Variants in GTPBP1 observed in about 807,000 individuals in gnomAD.
GTPBP1 encodes GTP-binding protein 1.
A neutral mutation model predicts 62.0 loss-of-function variants in GTPBP1; 23 were observed. The observed-to-expected ratio is 0.37, with a 90% CI of 0.27 to 0.53. The LOEUF is 0.53. Among genes scored for constraint, GTPBP1 ranks in the 20% least tolerant of loss-of-function variants. The pLI is 0.89. For missense variants in GTPBP1, 640 were observed against 917.3 expected (o/e 0.70, Z 3.90); for synonymous variants, 344 against 364.4 (o/e 0.94, Z 0.64).
Position 38,725,987 on chromosome 22 carries a change from C to G in GTPBP1, c.1074-19C>G. On this transcript the variant is annotated intron_variant, in intron 6 of 11. Coordinates refer to ENST00000216044, the MANE Select transcript of GTPBP1 (RefSeq NM_004286.5). The stretch of plus-strand genomic sequence containing the variant: ...GAGTGCCTCTCTCCTTTTTTCCTTC[C>G]TCTTCTCCCTCTGCTTAGGATGTGC... 4 of 1,609,854 alleles carry G rather than the reference C, an allele frequency of 2.5e-6. No individual in the cohort carries two copies. Among genetic ancestry groups the G allele is most frequent in the Non-Finnish European group, 1.7e-6 (2 of 1,177,686 alleles).
downstream of GTPBP1, chr22:38,734,000 G>T (rs576444942): frequency 4.6e-6 from 1 of 218,344 alleles, no homozygotes; most frequent in African/African-American, 2.4e-5. Flanking sequence ...TGTCAGTGAA[G>T]GGGAGTGAGC....
intron 11 of GTPBP1, among the ~76,000 whole-genome samples, chr22:38,729,988 G>A (rs1280651659): frequency 1.3e-5 from 2 of 152,234 alleles, no homozygotes; most frequent in Non-Finnish European, 2.9e-5. Flanking sequence ...TGGTGTGAGT[G>A]TCCAAGTGAT....
chr22:38,721,718 C>T, intron 4 of GTPBP1, 24 bp from the exon 5 acceptor site: 6 of 1,604,910 alleles, frequency 3.7e-6, no homozygotes, highest in Non-Finnish European at 5.1e-6. Context: ...CTCGTCCTGA[C>T]ACTTCCTTTC....
At chr22:38,738,671 G>A (rs2092828198), downstream of GTPBP1, 2 of 1,613,974 alleles carry the variant, frequency 1.2e-6, no homozygotes. This position sits in a 1 kb window ranked among gnomAD's most constrained non-coding sequence, Gnocchi z 6.6. Context: ...TAACGGCTGT[G>A]GGGCGGATGC....
In GTPBP1 at chr22:38,726,782, C is replaced by T. The variant is rs907063794; in HGVS notation, c.1401+342C>T. Among the ~76,000 whole-genome samples, 1 of 152,192 alleles carries T rather than the reference C, an allele frequency of 6.6e-6. No individual in the cohort carries two copies. Among genetic ancestry groups the T allele is most frequent in the African/African-American group, 2.4e-5 (1 of 41,440 alleles). ...ATTGGGATCTGCGCCACATCCTCTT[C>T]CCATTCAGCCTTCTATCTCCTGGGG... On this transcript the variant is annotated intron_variant, in intron 8 of 11. Coordinates refer to ENST00000216044, the MANE Select transcript of GTPBP1 (RefSeq NM_004286.5). This position sits in a 1 kb window ranked among gnomAD's most constrained non-coding sequence, Gnocchi z 4.1.
In GTPBP1 at chr22:38,722,683, G is replaced by C. The variant is rs899652843; in HGVS notation, c.958+818G>C. 5 of 1,575,632 alleles carry C rather than the reference G, an allele frequency of 3.2e-6. No homozygotes were observed. In the African/African-American group the frequency reaches 6.8e-5, roughly 21 times the overall value. ...GATAATCATCTATAAAATGATAAAA[G>C]CAGGCTTCAACTGTGTTTCTTCTCT... is the stretch of plus-strand genomic sequence containing the variant. On this transcript the variant is annotated intron_variant, in intron 5 of 11. Coordinates refer to ENST00000216044, the MANE Select transcript of GTPBP1 (RefSeq NM_004286.5).
Position 38,726,147 on chromosome 22 carries a change from C to G in GTPBP1, c.1215C>G (p.Val405=), listed in dbSNP as rs2092725535. ...TTCAGATTGATGACACCTACTCCGTCCCGGTAAGTGGCTCTGGGCGGGTAG... is the reference window on the plus strand; with the variant it reads ...TTCAGATTGATGACACCTACTCCGTGCCGGTAAGTGGCTCTGGGCGGGTAG... ...AEFQIDDTYS[V]PGVGTVVSGT... The change falls in exon 7 of 12, where the codon GTC becomes GTG. Residue 405 remains valine, a synonymous_variant. Coordinates refer to ENST00000216044, the MANE Select transcript of GTPBP1 (RefSeq NM_004286.5). This position sits in a 1 kb window ranked among gnomAD's most constrained non-coding sequence, Gnocchi z 4.1. The G allele has an allele frequency of 1.2e-6, 2 of 1,611,954 alleles. No individual in the cohort carries two copies. The highest frequency in any genetic ancestry group is 2.2e-5 in the South Asian group (2 of 91,030).
At chr22:38,734,271 T>C, downstream of GTPBP1, 1 of 465,476 alleles carries the variant, frequency 2.1e-6, no homozygotes, top group East Asian at 7.3e-5. Context: ...AGGGCCTGTT[T>C]TTCTCCTAAG....
downstream of GTPBP1, chr22:38,740,535 C>T (rs1362690360): frequency 2.5e-5 from 33 of 1,296,088 alleles, no homozygotes; most frequent in African/African-American, 6.1e-5. The surrounding 1 kb of genome is among the most constrained non-coding windows in gnomAD (Gnocchi z 4.8). Flanking sequence ...GTCAGGAGAG[C>T]GGGTGCCCAG....
downstream of GTPBP1, chr22:38,739,689 G>C: frequency 1.2e-6 from 2 of 1,603,652 alleles, no homozygotes; most frequent in Non-Finnish European, 1.7e-6. This position sits in a 1 kb window ranked among gnomAD's most constrained non-coding sequence, Gnocchi z 6.7. Context: ...AGAGCTGTGG[G>C]TGGGTGTGTG....
intron 5 of GTPBP1, chr22:38,723,526 CT>C: frequency 1.5e-6 from 1 of 646,286 alleles, no homozygotes; most frequent in Non-Finnish European, 2.8e-6. Flanking sequence ...GCGGGCGAAA[CT>C]TCCTTTGTCT....
chr22:38,716,392 C>T lies in GTPBP1; in HGVS notation c.486-260C>T, dbSNP rs560761802. Among the ~76,000 whole-genome samples the T allele has an allele frequency of 3.3e-5, 5 of 152,306 alleles. No homozygotes were observed. Among genetic ancestry groups the T allele is most frequent in the East Asian group, 1.9e-4 (1 of 5,174 alleles). The stretch of plus-strand genomic sequence containing the variant: ...GCCTTTTGTGCCTCTGGTAGCCTTG[C>T]GGCTCTTCCTGGCAGCACCCAGAAG... On this transcript the variant is annotated intron_variant, in intron 3 of 11. Coordinates refer to ENST00000216044, the MANE Select transcript of GTPBP1 (RefSeq NM_004286.5). This position sits in a 1 kb window ranked among gnomAD's most constrained non-coding sequence, Gnocchi z 5.2.
At chr22:38,715,139 A>G (rs1196211877) in intron 2 of GTPBP1, among the ~76,000 whole-genome samples, 1 of 151,948 alleles carries the variant, frequency 6.6e-6, no homozygotes, top group Non-Finnish European at 1.5e-5. Flanking sequence ...CTCCCCCCTT[A>G]CTGGTCTCTC....
chr22:38,733,074 C>T lies in GTPBP1; in HGVS notation c.*2370C>T, dbSNP rs1289689465. The T allele has an allele frequency of 6.6e-6, 1 of 152,366 alleles. No individual in the cohort carries two copies. The highest frequency in any genetic ancestry group is 1.5e-5 in the Non-Finnish European group (1 of 68,146). 9.4% of individuals were successfully genotyped at this position (152,366 alleles called of 1,614,324 possible). On this transcript the variant is annotated 3_prime_UTR_variant, in exon 12 of 12. Coordinates refer to ENST00000216044, the MANE Select transcript of GTPBP1 (RefSeq NM_004286.5). ...GTTCATTCCCATGCCAGCCTTGCCC[C>T]CCGGCTTTTCCCAGGCAGGCTCCTG...
chr22:38,721,408 G>T (rs1012602564), intron 4 of GTPBP1, among the ~76,000 whole-genome samples: 3 of 152,012 alleles, frequency 2.0e-5, no homozygotes, highest in African/African-American at 7.2e-5. Context: ...TAGAGACGGA[G>T]GTCTTACCAG....
At chr22:38,712,135 A>C (rs1444313835) in intron 2 of GTPBP1, among the ~76,000 whole-genome samples, 1 of 152,116 alleles carries the variant, frequency 6.6e-6, no homozygotes, top group Non-Finnish European at 1.5e-5. Flanking sequence ...CCTGAGCCTC[A>C]AAGTGCTGGG....
downstream of GTPBP1, chr22:38,738,411 G>C: frequency 9.1e-7 from 1 of 1,096,934 alleles, no homozygotes; most frequent in South Asian, 1.5e-5. The surrounding 1 kb of genome is among the most constrained non-coding windows in gnomAD (Gnocchi z 6.6). Flanking sequence ...CACAGTTTCT[G>C]CCTCCAAAGC....
intron 4 of GTPBP1, among the ~76,000 whole-genome samples, chr22:38,718,201 G>A (rs928988727): frequency 2.0e-5 from 3 of 152,188 alleles, no homozygotes; most frequent in Admixed American, 6.5e-5. Flanking sequence ...TGCTTGCCAG[G>A]AAGGGATCTT....
At chr22:38,723,411 G>A in intron 5 of GTPBP1, 1 of 1,061,934 alleles carries the variant, frequency 9.4e-7, no homozygotes, top group Non-Finnish European at 1.4e-6. Flanking sequence ...GAAGCAGCAA[G>A]CTTGAGGGCT....
Sources: gnomAD v4.1 joint callset for allele counts (sites outside exome capture counted in the v4.1 genomes callset) on GRCh38, gnomAD v4.1.1 for gene constraint, Gnocchi (gnomAD v3.1) non-coding constraint, MANE v1.5 for transcripts, NCBI Gene and HGNC (gene_info 2026-07-23, HGNC 2026-07-21) for gene names.